The following ATP2B2 variants were observed in gnomAD, a reference collection of about 807,000 sequenced individuals.
The protein encoded by ATP2B2 is ATPase plasma membrane Ca2+ transporting 2, also known as plasma membrane calcium-transporting ATPase 2.
In ATP2B2, 15 loss-of-function variants were observed where a neutral mutation model predicts 120.0. The ratio of observed to expected loss-of-function variants is 0.12; its 90% CI spans 0.08 to 0.19. The LOEUF (loss-of-function observed/expected upper bound fraction) is 0.19. Among genes scored for constraint, ATP2B2 ranks in the 10% least tolerant of loss-of-function variants. The pLI, the probability that ATP2B2 is intolerant of heterozygous loss-of-function variation, is 1.00. For synonymous variants in ATP2B2, 694 were observed against 700.3 expected, an observed-to-expected ratio of 0.99 and a Z score of 0.14; for missense variants, 1,045 against 1,719.8, an observed-to-expected ratio of 0.61 and a Z score of 6.94.
rs765436889 is a variant in ATP2B2 at position 10,327,027 on chromosome 3, A to G, written c.*1787T>C. The G allele has an allele frequency of 4.8e-5, 19 of 397,174 alleles. No homozygotes were observed. In the East Asian group the frequency reaches 5.3e-4, roughly 11 times the overall value. The allele number at this position is 397,174 out of a possible 1,614,324, so 24.6% of individuals were successfully genotyped here. A position where few individuals can be genotyped will look rare whatever the true frequency, so the allele number is the denominator to read the frequency against. ...AGCATGGGACATCATCGATCATGGT[A>G]TTCAAAATGTCTTTTGCACTGTACA... On this transcript the variant is annotated 3_prime_UTR_variant, in exon 23 of 23. Transcript: ENST00000360273.
intron 5 of ATP2B2, among the ~76,000 whole-genome samples, chr3:10,395,113 G>T (rs2061992504): frequency 6.6e-6 from 1 of 152,226 alleles, no homozygotes; most frequent in South Asian, 2.1e-4. Flanking sequence ...TGAATCCCCT[G>T]AAATGTTGCA....
intron 3 of ATP2B2, among the ~76,000 whole-genome samples, chr3:10,533,416 C>T (rs948659013): frequency 2.0e-5 from 3 of 152,168 alleles, no homozygotes; most frequent in Non-Finnish European, 4.4e-5. Flanking sequence ...TGCAAAATGC[C>T]GTTTTACAGA....
chr3:10,501,796 A>G (rs576787698), intron 1 of ATP2B2, among the ~76,000 whole-genome samples: 6 of 152,162 alleles, frequency 3.9e-5, no homozygotes, highest in Non-Finnish European at 8.8e-5. Context: ...GTACAGGCAG[A>G]ACAGCATGGT....
chr3:10,404,427 C>A (rs2062338474), intron 3 of ATP2B2, among the ~76,000 whole-genome samples: 1 of 152,242 alleles, frequency 6.6e-6, no homozygotes, highest in Non-Finnish European at 1.5e-5. Flanking sequence ...TGCTATGTAA[C>A]CACTGTGCCT....
At chr3:10,620,648 G>A in intron 1 of ATP2B2, among the ~76,000 whole-genome samples, 1 of 152,148 alleles carries the variant, frequency 6.6e-6, no homozygotes, top group East Asian at 1.9e-4. Context: ...TGCTTGATGG[G>A]AGCTGTCACC....
intron 1 of ATP2B2, among the ~76,000 whole-genome samples, chr3:10,692,174 G>A (rs2071675908): frequency 6.6e-6 from 1 of 151,812 alleles, no homozygotes; most frequent in South Asian, 2.1e-4. Context: ...AAGCCTGGAG[G>A]TGGCAAGCAA....
chr3:10,427,205 T>G (rs2063173028), intron 2 of ATP2B2, among the ~76,000 whole-genome samples: 1 of 152,234 alleles, frequency 6.6e-6, no homozygotes, highest in African/African-American at 2.4e-5. Flanking sequence ...ATCCACAAGG[T>G]AAGCTCCACT....
At chr3:10,557,435 C>T (rs1481198214) in intron 2 of ATP2B2, among the ~76,000 whole-genome samples, 2 of 152,204 alleles carry the variant, frequency 1.3e-5, no homozygotes, top group African/African-American at 4.8e-5. Context: ...TGTGCCCCTG[C>T]TGCAGCATGA....
chr3:10,496,121 C>T (rs912955963), intron 1 of ATP2B2, among the ~76,000 whole-genome samples: 2 of 152,198 alleles, frequency 1.3e-5, no homozygotes, highest in Non-Finnish European at 2.9e-5. Flanking sequence ...TCATTTTAAT[C>T]TGAAGTGAGT....
intron 14 of ATP2B2, among the ~76,000 whole-genome samples, chr3:10,354,739 G>A (rs2060666250): frequency 6.6e-6 from 1 of 152,238 alleles, no homozygotes; most frequent in Non-Finnish European, 1.5e-5. Flanking sequence ...TTGACAGCCA[G>A]GGAAACCGAG....
chr3:10,391,832 C>G lies in ATP2B2; in HGVS notation c.782-3430G>C, dbSNP rs193008292. On this transcript the variant is annotated intron_variant, in intron 5 of 22. Coordinates refer to ENST00000360273, the MANE Select transcript of ATP2B2 (RefSeq NM_001001331.4). ...GAGGTCCAAACCACTCAGTCAGTGTCCCCTGGATGAGACCTCTGCCTTCTT... is the reference window on the plus strand; with the variant it reads ...GAGGTCCAAACCACTCAGTCAGTGTGCCCTGGATGAGACCTCTGCCTTCTT... Among the ~76,000 whole-genome samples, 380 of 152,328 alleles carry G rather than the reference C, an allele frequency of 2.5e-3. 6 individuals are homozygous for G. The South Asian group carries it at 0.027, about 11-fold the overall frequency.
At chr3:10,586,188 T>C (rs2068507190) in intron 2 of ATP2B2, among the ~76,000 whole-genome samples, 1 of 152,182 alleles carries the variant, frequency 6.6e-6, no homozygotes, top group South Asian at 2.1e-4. Flanking sequence ...TGCTCTGTCA[T>C]GATTGAAAAA....
At chr3:10,627,742 C>G (rs1037773297) in intron 1 of ATP2B2, among the ~76,000 whole-genome samples, 4 of 152,176 alleles carry the variant, frequency 2.6e-5, no homozygotes, top group African/African-American at 9.7e-5. Flanking sequence ...TACCATGTGC[C>G]AGGCCCTCTC....
At chr3:10,574,090 G>A (rs2068190152) in intron 2 of ATP2B2, among the ~76,000 whole-genome samples, 1 of 152,148 alleles carries the variant, frequency 6.6e-6, no homozygotes, top group Non-Finnish European at 1.5e-5. Flanking sequence ...TCTCCCTCTT[G>A]TCTTATCTCC....
At chr3:10,489,307 A>C (rs2065847491) in intron 1 of ATP2B2, among the ~76,000 whole-genome samples, 1 of 152,202 alleles carries the variant, frequency 6.6e-6, no homozygotes, top group South Asian at 2.1e-4. Flanking sequence ...TGCAAGCTCC[A>C]CAGGGCAGTG....
chr3:10,494,432 G>A (rs367970542), intron 1 of ATP2B2, among the ~76,000 whole-genome samples: 1 of 152,140 alleles, frequency 6.6e-6, no homozygotes, highest in Non-Finnish European at 1.5e-5. Flanking sequence ...CACATAGCTC[G>A]GAAGTGTTGG....
At chr3:10,493,838 C>T (rs1318692262) in intron 1 of ATP2B2, among the ~76,000 whole-genome samples, 1 of 152,112 alleles carries the variant, frequency 6.6e-6, no homozygotes, top group African/African-American at 2.4e-5. Context: ...GGCAGGAAGG[C>T]CCTCAGAAGG....
chr3:10,359,233 C>A (rs921748325), intron 13 of ATP2B2, among the ~76,000 whole-genome samples: 1 of 152,240 alleles, frequency 6.6e-6, no homozygotes, highest in South Asian at 2.1e-4. Flanking sequence ...CCTGCCTGCA[C>A]ATTAGAATTG....
intron 19 of ATP2B2, among the ~76,000 whole-genome samples, chr3:10,341,894 CAACT>C (rs56394292): frequency 0.24 from 36,478 of 152,050 alleles, 4,952 homozygotes; most frequent in East Asian, 0.39. Context: ...TTATAAAAGG[CAACT>C]AACTGCCTTT....
Sources: gnomAD v4.1 joint callset for allele counts (sites outside exome capture counted in the v4.1 genomes callset) on GRCh38, gnomAD v4.1.1 for gene constraint, MANE v1.5 for transcripts, NCBI Gene and HGNC (gene_info 2026-07-23, HGNC 2026-07-21) for gene names.